ACSS3: variants seen among roughly 807,000 people sequenced by gnomAD.
ACSS3 encodes the protein acyl-CoA synthetase short chain family member 3.
Under a neutral mutation model 84.2 loss-of-function variants are expected in ACSS3, and 64 were observed. That is an observed-to-expected ratio of 0.76 (90% CI 0.62 to 0.94). The LOEUF (loss-of-function observed/expected upper bound fraction) is 0.94, where lower values mean the gene tolerates loss of function less well. ACSS3 is among the 40% of genes least tolerant of loss of function. The pLI, the probability that ACSS3 is intolerant of heterozygous loss-of-function variation, is 0.00. For missense variants in ACSS3, 815 were observed against 867.6 expected (o/e 0.94, Z 0.76); for synonymous variants, 317 against 310.1 (o/e 1.02, Z -0.23).
At chr12:81,146,717 G>T (rs746988128) in intron 5 of ACSS3, among the ~76,000 whole-genome samples, 5 of 152,026 alleles carry the variant, frequency 3.3e-5, no homozygotes, top group Non-Finnish European at 7.4e-5. Context: ...TATTCTGTTT[G>T]GTCTGGGTGC....
At chr12:81,135,786 A>G (rs1227870379) in intron 3 of ACSS3, among the ~76,000 whole-genome samples, 2 of 152,090 alleles carry the variant, frequency 1.3e-5, no homozygotes, top group Non-Finnish European at 1.5e-5. Flanking sequence ...TAAATACATA[A>G]ATAAAATGTT....
At chr12:81,183,294 A>G (rs1339744945) in intron 8 of ACSS3, among the ~76,000 whole-genome samples, 1 of 152,132 alleles carries the variant, frequency 6.6e-6, no homozygotes, top group Admixed American at 6.6e-5. Context: ...CATGGCAACC[A>G]CAAAACAAAA....
intron 8 of ACSS3, among the ~76,000 whole-genome samples, chr12:81,182,227 AG>A (rs1220279514): frequency 6.6e-6 from 1 of 152,186 alleles, no homozygotes; most frequent in African/African-American, 2.4e-5. Context: ...CTTACAGGCC[AG>A]GGGAAAATGG....
chr12:81,149,658 A>T (rs192482095), intron 5 of ACSS3, among the ~76,000 whole-genome samples: 1 of 152,208 alleles, frequency 6.6e-6, no homozygotes, highest in Non-Finnish European at 1.5e-5. Context: ...TCTTTAAAAA[A>T]TAAAAGTAAG....
chr12:81,161,519 T>A (rs1331769324), intron 7 of ACSS3, among the ~76,000 whole-genome samples: 1 of 152,270 alleles, frequency 6.6e-6, no homozygotes, highest in East Asian at 1.9e-4. Flanking sequence ...GCATAAAAGT[T>A]TGAAAACTTC....
At chr12:81,154,971 C>T (rs927678964) in intron 7 of ACSS3, among the ~76,000 whole-genome samples, 1 of 152,166 alleles carries the variant, frequency 6.6e-6, no homozygotes. Flanking sequence ...TTTTCTCTCA[C>T]GTTCTTGGGC....
At chr12:81,150,418 A>AG (rs1317659982) in intron 5 of ACSS3, among the ~76,000 whole-genome samples, 1 of 152,214 alleles carries the variant, frequency 6.6e-6, no homozygotes, top group Non-Finnish European at 1.5e-5. Context: ...GTTGAGCCAT[A>AG]GGAAAAGATC....
chr12:81,195,757 T>C (rs2031797447), intron 8 of ACSS3, among the ~76,000 whole-genome samples: 1 of 152,132 alleles, frequency 6.6e-6, no homozygotes, highest in Admixed American at 6.6e-5. Flanking sequence ...AAAAAATTTC[T>C]TAACAATGAC....
At chr12:81,208,665 T>C (rs1440456332) in intron 9 of ACSS3, among the ~76,000 whole-genome samples, 1 of 152,120 alleles carries the variant, frequency 6.6e-6, no homozygotes, top group East Asian at 1.9e-4. Context: ...GCAAATCGCC[T>C]TTACAAAACC....
At chr12:81,252,045 A>G (rs1008149931) in intron 13 of ACSS3, among the ~76,000 whole-genome samples, 1 of 152,092 alleles carries the variant, frequency 6.6e-6, no homozygotes, top group East Asian at 1.9e-4. Context: ...TTCCAGCCAC[A>G]TTGGTCTCTT....
chr12:81,235,122 GATAA>G (rs1433577408), intron 13 of ACSS3, among the ~76,000 whole-genome samples: 2 of 151,174 alleles, frequency 1.3e-5, no homozygotes, highest in African/African-American at 2.4e-5. Flanking sequence ...GGTGTAGGTT[GATAA>G]ATAATTTTTT....
At chr12:81,123,618 C>T (rs914273072) in intron 2 of ACSS3, among the ~76,000 whole-genome samples, 2 of 152,068 alleles carry the variant, frequency 1.3e-5, no homozygotes, top group Non-Finnish European at 2.9e-5. Flanking sequence ...CCCTCTCACC[C>T]TCCCCTCTCT....
At chr12:81,213,898 T>C (rs2032762471) in intron 9 of ACSS3, among the ~76,000 whole-genome samples, 2 of 76,130 alleles carry the variant, frequency 2.6e-5, no homozygotes, top group Non-Finnish European at 6.4e-5. Flanking sequence ...TCTTTCTTTC[T>C]TTTGTCCTTC....
At chr12:81,101,665 C>T (rs923925682) in intron 1 of ACSS3, among the ~76,000 whole-genome samples, 1 of 151,898 alleles carries the variant, frequency 6.6e-6, no homozygotes. Context: ...GATTTTGAGC[C>T]CTCCTAAGTT....
chr12:81,153,219 C>A (rs980578260), intron 7 of ACSS3, among the ~76,000 whole-genome samples: 1 of 151,944 alleles, frequency 6.6e-6, no homozygotes, highest in Non-Finnish European at 1.5e-5. Context: ...ACCAGCCTGC[C>A]AAACATGGTG....
chr12:81,191,137 C>T (rs2031549874), intron 8 of ACSS3, among the ~76,000 whole-genome samples: 1 of 151,996 alleles, frequency 6.6e-6, no homozygotes, highest in Non-Finnish European at 1.5e-5. Flanking sequence ...GAACATCTCA[C>T]ATTATGGCTG....
At chr12:81,143,043 A>G (rs1886166117) in intron 4 of ACSS3, 64 bp from the exon 5 acceptor site, 1 of 1,403,462 alleles carries the variant, frequency 7.1e-7, no homozygotes, top group East Asian at 2.5e-5. Context: ...AGATTTAGCT[A>G]CTTTTTGTTC....
At position 81,164,215 on chromosome 12, in the gene ACSS3, A is replaced by G. The variant is rs376967882; in HGVS notation, c.1099-10573A>G. On this transcript the variant is annotated intron_variant, in intron 7 of 15. Coordinates refer to ENST00000548058, the MANE Select transcript of ACSS3 (RefSeq NM_024560.4). ...CTTAAACATGTTTAGGTACACAGTCACTTACCATTGTGATACAGTTGTCTA... is the reference window on the plus strand; with the variant it reads ...CTTAAACATGTTTAGGTACACAGTCGCTTACCATTGTGATACAGTTGTCTA... 4.7e-4 allele frequency among the ~76,000 whole-genome samples: 72 copies of G among 152,228 alleles called. 1 individual carries two copies. The South Asian group carries it at 5.4e-3, about 11-fold the overall frequency.
chr12:81,187,912 A>G (rs551977616), intron 8 of ACSS3, among the ~76,000 whole-genome samples: 5 of 152,056 alleles, frequency 3.3e-5, no homozygotes, highest in Admixed American at 3.3e-4. Flanking sequence ...CTACATAAAT[A>G]TGAATGTGCC....
Sources: gnomAD v4.1 joint callset for allele counts (sites outside exome capture counted in the v4.1 genomes callset) on GRCh38, gnomAD v4.1.1 for gene constraint, MANE v1.5 for transcripts, NCBI Gene and HGNC (gene_info 2026-07-23, HGNC 2026-07-21) for gene names.